Variants in GABBR2 observed in about 807,000 individuals in gnomAD.
GABBR2 encodes the protein gamma-aminobutyric acid type B receptor subunit 2, also known as G-protein coupled receptor 51.
GABBR2 carries 23 observed loss-of-function variants against 105.6 expected under a neutral mutation model. The observed-to-expected ratio is 0.22, with a 90% confidence interval of 0.16 to 0.31. The LOEUF (loss-of-function observed/expected upper bound fraction) is 0.31, where lower values mean the gene tolerates loss of function less well. Among genes scored for constraint, GABBR2 ranks in the 10% least tolerant of loss-of-function variants. The probability of loss-of-function intolerance (pLI) is 1.00; values close to 1 mark genes in which losing one functional copy is unlikely to be tolerated. For synonymous variants in GABBR2, 478 were observed against 499.7 expected (o/e 0.96, Z 0.58); for missense variants, 734 against 1,245.5 (o/e 0.59, Z 6.18).
chr9:98,588,223 A>G (rs1439965079), intron 1 of GABBR2, among the ~76,000 whole-genome samples: 1 of 152,212 alleles, frequency 6.6e-6, no homozygotes, highest in Non-Finnish European at 1.5e-5. Context: ...AATCATGTTC[A>G]AAATTAGCCC....
At chr9:98,303,200 G>A (rs1830496774) in intron 16 of GABBR2, 41 bp downstream of exon 16, 9 of 1,561,290 alleles carry the variant, frequency 5.8e-6, no homozygotes, top group South Asian at 1.1e-5. Flanking sequence ...AGGGGCTTCA[G>A]TGGCAGACAG....
At chr9:98,450,126 G>A (rs1057216683) in intron 7 of GABBR2, among the ~76,000 whole-genome samples, 1 of 152,106 alleles carries the variant, frequency 6.6e-6, no homozygotes, top group Non-Finnish European at 1.5e-5. Flanking sequence ...GTGTTTAAAC[G>A]ATTTCCCATA....
At chr9:98,452,271 T>G (rs912597702) in intron 7 of GABBR2, among the ~76,000 whole-genome samples, 5 of 152,232 alleles carry the variant, frequency 3.3e-5, no homozygotes, top group African/African-American at 1.2e-4. Flanking sequence ...ACAGACTGAC[T>G]CTATTCTGAA....
At chr9:98,465,051 C>T (rs1826516982) in intron 6 of GABBR2, among the ~76,000 whole-genome samples, 1 of 147,546 alleles carries the variant, frequency 6.8e-6, no homozygotes, top group African/African-American at 2.5e-5. Context: ...CTGACCTTCT[C>T]TCCACTATTA....
At chr9:98,506,146 C>T (rs73488423) in intron 3 of GABBR2, among the ~76,000 whole-genome samples, 2,654 of 152,234 alleles carry the variant, frequency 0.017, 73 homozygotes, top group African/African-American at 0.059. Flanking sequence ...CGCTGTGCAT[C>T]GTGGAAATGT....
At chr9:98,409,209 G>A (rs1832542754) in intron 7 of GABBR2, among the ~76,000 whole-genome samples, 2 of 152,208 alleles carry the variant, frequency 1.3e-5, no homozygotes, top group Admixed American at 1.3e-4. Context: ...TGCCCCCAGA[G>A]ACCATGACAA....
chr9:98,389,150 G>T, intron 9 of GABBR2, 146 bp from the exon 10 acceptor site: 1 of 621,822 alleles, frequency 1.6e-6, no homozygotes, highest in Non-Finnish European at 2.8e-6. Context: ...GCCAGATCCG[G>T]TGGTTGGCCA....
At chr9:98,463,301 T>C (rs1826457446) in intron 6 of GABBR2, among the ~76,000 whole-genome samples, 1 of 152,202 alleles carries the variant, frequency 6.6e-6, no homozygotes, top group Non-Finnish European at 1.5e-5. Context: ...GACTTTAATA[T>C]TAAGATGTCA....
At chr9:98,506,521 G>A (rs1827515187) in intron 3 of GABBR2, among the ~76,000 whole-genome samples, 1 of 152,210 alleles carries the variant, frequency 6.6e-6, no homozygotes, top group Non-Finnish European at 1.5e-5. Context: ...GGGCTGGGCT[G>A]CATGCTGAGG....
At chr9:98,422,516 GTGTGTC>G (rs961411783) in intron 7 of GABBR2, among the ~76,000 whole-genome samples, 2 of 151,682 alleles carry the variant, frequency 1.3e-5, no homozygotes, top group African/African-American at 4.9e-5. Flanking sequence ...GTGTGTGTGT[GTGTGTC>G]TGTGTGTGTG....
At chr9:98,691,710 T>A (rs1830684817) in intron 1 of GABBR2, among the ~76,000 whole-genome samples, 1 of 152,194 alleles carries the variant, frequency 6.6e-6, no homozygotes, top group African/African-American at 2.4e-5. Flanking sequence ...GGCTCAGCAT[T>A]ATCCCCTCAA....
At chr9:98,396,633 C>G (rs1046025101) in intron 8 of GABBR2, among the ~76,000 whole-genome samples, 1 of 152,206 alleles carries the variant, frequency 6.6e-6, no homozygotes, top group African/African-American at 2.4e-5. Flanking sequence ...CTGCTTTGGC[C>G]TTTTGAAGTC....
intron 1 of GABBR2, among the ~76,000 whole-genome samples, chr9:98,588,962 G>A (rs1010951981): frequency 3.3e-5 from 5 of 152,216 alleles, no homozygotes; most frequent in African/African-American, 4.8e-5. Context: ...ACACCACTAT[G>A]TCACGAGAGA....
intron 7 of GABBR2, among the ~76,000 whole-genome samples, chr9:98,417,015 A>ACGGCAATG: frequency 6.6e-6 from 1 of 152,282 alleles, no homozygotes; most frequent in Non-Finnish European, 1.5e-5. Context: ...CTCTTTGGCA[A>ACGGCAATG]CGGCAATGCT....
At position 98,385,739 on chromosome 9, in the gene GABBR2, G is replaced by A. The variant is rs1326276691; in HGVS notation, c.1563C>T (p.Asn521=). The change falls in exon 11 of 19, where the codon AAC becomes AAT. Residue 521 remains asparagine, a synonymous_variant. Transcript: ENST00000259455. ...AGAGCATCCCTCCAAGGATGATAAGGTTGTTCATGTATGGACTCGACATCT... is the reference window on the plus strand; with the variant it reads ...AGAGCATCCCTCCAAGGATGATAAGATTGTTCATGTATGGACTCGACATCT... The part of the protein sequence containing the change: ...LIKMSSPYMN[N]LIILGGMLSY... 3.7e-6 allele frequency: 6 copies of A among 1,608,940 alleles called. No homozygotes were observed. The African/African-American group carries it at 4.0e-5, about 11-fold the overall frequency.
At chr9:98,319,434 G>T (rs1830781201) in intron 13 of GABBR2, among the ~76,000 whole-genome samples, 1 of 148,308 alleles carries the variant, frequency 6.7e-6, no homozygotes, top group South Asian at 2.2e-4. Flanking sequence ...AGAATGTTAT[G>T]ATTACAAGTT....
At chr9:98,558,130 G>GA (rs201832262) in intron 2 of GABBR2, among the ~76,000 whole-genome samples, 90 of 150,502 alleles carry the variant, frequency 6.0e-4, no homozygotes, top group Admixed American at 1.7e-3. Flanking sequence ...CAGCTACATA[G>GA]AAAAAAAAAC....
At chr9:98,449,860 G>T (rs1303319682) in intron 7 of GABBR2, among the ~76,000 whole-genome samples, 4 of 152,072 alleles carry the variant, frequency 2.6e-5, no homozygotes, top group African/African-American at 9.7e-5. Context: ...AGAGATGTAC[G>T]GCACCCCCAA....
chr9:98,455,441 C>A lies in GABBR2; in HGVS notation c.1000-1224G>T, dbSNP rs1826308769. 2.0e-5 allele frequency among the ~76,000 whole-genome samples: 3 copies of A among 152,134 alleles called. No homozygotes were observed. The South Asian group carries it at 6.2e-4, about 32-fold the overall frequency. Reference sequence around the variant, plus strand: ...AAAATCACACACAGGACAATTGACTCTTTGTCAGTTTATACTGAGAAGGGC... The same window carrying A: ...AAAATCACACACAGGACAATTGACTATTTGTCAGTTTATACTGAGAAGGGC... On this transcript the variant is annotated intron_variant, in intron 6 of 18. Coordinates refer to ENST00000259455, the MANE Select transcript of GABBR2 (RefSeq NM_005458.8).
Sources: allele counts gnomAD v4.1 joint callset (sites outside exome capture counted in the v4.1 genomes callset), GRCh38; gene constraint gnomAD v4.1.1; transcripts MANE v1.5; gene names NCBI Gene and HGNC (gene_info 2026-07-23, HGNC 2026-07-21).